The following ERC2 variants were observed in gnomAD, a reference collection of about 807,000 sequenced individuals.
The protein encoded by ERC2 is ELKS/RAB6-interacting/CAST family member 2.
ERC2 carries 42 observed loss-of-function variants against 114.8 expected under a neutral mutation model. The ratio of observed to expected loss-of-function variants is 0.37; its 90% CI spans 0.29 to 0.47. The LOEUF is 0.47. Ranked by LOEUF, ERC2 falls within the 20% of genes least tolerant of loss-of-function variation. ERC2 has a pLI of 0.99. For missense variants in ERC2, 939 were observed against 1,150.7 expected, an observed-to-expected ratio of 0.82 and a Z score of 2.66; for synonymous variants, 454 against 425.5, an observed-to-expected ratio of 1.07 and a Z score of -0.82.
intron 14 of ERC2, among the ~76,000 whole-genome samples, chr3:55,838,646 G>A (rs2061001345): frequency 6.6e-6 from 1 of 151,514 alleles, no homozygotes; most frequent in Non-Finnish European, 1.5e-5. Context: ...CTAAAATCAA[G>A]GAAACAAAAA....
intron 14 of ERC2, among the ~76,000 whole-genome samples, chr3:55,832,479 C>T (rs1424579549): frequency 6.6e-6 from 1 of 152,218 alleles, no homozygotes; most frequent in African/African-American, 2.4e-5. Flanking sequence ...GCCACTGCTG[C>T]GGATACCCAG....
intron 14 of ERC2, among the ~76,000 whole-genome samples, chr3:55,876,191 G>A (rs527935126): frequency 1.8e-4 from 28 of 152,198 alleles, no homozygotes; most frequent in African/African-American, 6.0e-4. Context: ...GAAATAGCTC[G>A]TTCCAGTGAG....
chr3:56,174,953 G>C (rs568604133), intron 3 of ERC2, among the ~76,000 whole-genome samples: 1 of 146,312 alleles, frequency 6.8e-6, no homozygotes, highest in East Asian at 2.1e-4. Context: ...ACCCCAGCCT[G>C]GTGATGGAAC....
At chr3:55,951,665 G>A (rs921106469) in intron 12 of ERC2, among the ~76,000 whole-genome samples, 1 of 151,978 alleles carries the variant, frequency 6.6e-6, no homozygotes, top group Non-Finnish European at 1.5e-5. Flanking sequence ...ACAAGAGGAG[G>A]GACGAGCAGC....
chr3:55,630,151 C>A (rs1010917488), intron 17 of ERC2, among the ~76,000 whole-genome samples: 1 of 152,164 alleles, frequency 6.6e-6, no homozygotes, highest in East Asian at 1.9e-4. Context: ...TACTATCAGA[C>A]AAGACACTTT....
At chr3:55,785,229 G>A (rs1294958095) in intron 14 of ERC2, among the ~76,000 whole-genome samples, 1 of 152,242 alleles carries the variant, frequency 6.6e-6, no homozygotes, top group Non-Finnish European at 1.5e-5. Context: ...AGAAGTCTTT[G>A]TCTTAATCTT....
chr3:56,326,149 G>C (rs1239274068), intron 2 of ERC2, among the ~76,000 whole-genome samples: 1 of 152,210 alleles, frequency 6.6e-6, no homozygotes, highest in Non-Finnish European at 1.5e-5. Flanking sequence ...GAAACTGAGA[G>C]GCTGAGCCAG....
intron 17 of ERC2, among the ~76,000 whole-genome samples, chr3:55,545,125 C>G (rs1387271714): frequency 6.6e-6 from 1 of 152,330 alleles, no homozygotes; most frequent in East Asian, 1.9e-4. Flanking sequence ...TCACCAAACC[C>G]TGATGCTTTT....
chr3:56,086,928 G>A (rs1576875308), intron 6 of ERC2, among the ~76,000 whole-genome samples: 1 of 151,792 alleles, frequency 6.6e-6, no homozygotes, highest in Non-Finnish European at 1.5e-5. Context: ...TAATTTTAAG[G>A]GCCCTTGACT....
chr3:55,775,107 T>C (rs1012994228), intron 14 of ERC2, among the ~76,000 whole-genome samples: 1 of 152,232 alleles, frequency 6.6e-6, no homozygotes, highest in Non-Finnish European at 1.5e-5. Context: ...CATGTCCTCC[T>C]GCCTTTAATC....
intron 3 of ERC2, among the ~76,000 whole-genome samples, chr3:56,196,991 G>A (rs866466737): frequency 2.0e-5 from 3 of 152,032 alleles, no homozygotes; most frequent in South Asian, 2.1e-4. Context: ...TGCAGAGTCC[G>A]TGTTTATAAA....
intron 17 of ERC2, among the ~76,000 whole-genome samples, chr3:55,625,849 G>A (rs541196859): frequency 3.3e-4 from 51 of 152,308 alleles, no homozygotes; most frequent in Admixed American, 1.7e-3. Flanking sequence ...GACTTAAACC[G>A]AAGTGAAATA....
At chr3:56,213,351 G>A (rs2049206852) in intron 3 of ERC2, among the ~76,000 whole-genome samples, 1 of 152,150 alleles carries the variant, frequency 6.6e-6, no homozygotes. Flanking sequence ...TTAGCAAACG[G>A]CACACCAGGA....
At chr3:56,307,992 T>C (rs940072011) in intron 2 of ERC2, among the ~76,000 whole-genome samples, 9 of 152,180 alleles carry the variant, frequency 5.9e-5, no homozygotes, top group Non-Finnish European at 1.2e-4. Flanking sequence ...CAGGTTTCCA[T>C]TCCTCTTTGC....
intron 10 of ERC2, among the ~76,000 whole-genome samples, chr3:55,999,243 A>T (rs187740948): frequency 6.6e-6 from 1 of 152,298 alleles, no homozygotes; most frequent in Admixed American, 6.5e-5. Flanking sequence ...AAACTCCAGG[A>T]GTAGAATGAT....
chr3:55,977,417 T>C lies in ERC2; in HGVS notation c.2267+8560A>G, dbSNP rs1022898846. ...ATCATTTTCCTAATATATAAAAAGC[T>C]CTTACAAATATATAAGAAAAAGACC... is the stretch of plus-strand genomic sequence containing the variant. On this transcript the variant is annotated intron_variant, in intron 12 of 17. Coordinates refer to ENST00000288221, the MANE Select transcript of ERC2 (RefSeq NM_015576.3). 9.9e-5 allele frequency among the ~76,000 whole-genome samples: 15 copies of C among 152,214 alleles called. No individual in the cohort carries two copies. In the East Asian group the frequency reaches 2.9e-3, roughly 29 times the overall value.
At chr3:56,394,681 C>A (rs2060242582) in intron 2 of ERC2, among the ~76,000 whole-genome samples, 1 of 152,072 alleles carries the variant, frequency 6.6e-6, no homozygotes, top group African/African-American at 2.4e-5. Context: ...CTTAATACCC[C>A]CTAGTACGGC....
At chr3:56,332,177 C>A (rs1279650978) in intron 2 of ERC2, among the ~76,000 whole-genome samples, 2 of 151,830 alleles carry the variant, frequency 1.3e-5, no homozygotes, top group Non-Finnish European at 2.9e-5. Context: ...CAAGAGATTT[C>A]AAACACATAC....
At chr3:56,210,397 A>G (rs1379788467) in intron 3 of ERC2, among the ~76,000 whole-genome samples, 1 of 152,256 alleles carries the variant, frequency 6.6e-6, no homozygotes, top group South Asian at 2.1e-4. Flanking sequence ...CTATTTTTAC[A>G]TAATTTAATT....
Sources: allele counts gnomAD v4.1 joint callset (sites outside exome capture counted in the v4.1 genomes callset), GRCh38; gene constraint gnomAD v4.1.1; transcripts MANE v1.5; gene names NCBI Gene and HGNC (gene_info 2026-07-23, HGNC 2026-07-21).